Variants in TRPC7 observed in about 807,000 individuals in gnomAD.
TRPC7 encodes the protein transient receptor potential cation channel subfamily C member 7, also known as short transient receptor potential channel 7.
In TRPC7, 42 loss-of-function variants were observed where a neutral mutation model predicts 90.1. The observed-to-expected ratio is 0.47, with a 90% CI of 0.36 to 0.60. The LOEUF (loss-of-function observed/expected upper bound fraction) is 0.60, where lower values mean the gene tolerates loss of function less well. TRPC7 is among the 20% of genes least tolerant of loss of function. The pLI, the probability that TRPC7 is intolerant of heterozygous loss-of-function variation, is 0.00. For synonymous variants in TRPC7, 451 were observed against 436.3 expected (o/e 1.03, Z -0.42); for missense variants, 955 against 1,112.3 (o/e 0.86, Z 2.01).
chr5:136,251,670 C>G lies in TRPC7; in HGVS notation c.1558G>C (p.Glu520Gln). 6.2e-7 allele frequency: 1 copy of G among 1,608,802 alleles called. No homozygotes were observed. The highest frequency in any genetic ancestry group is 8.5e-7 in the Non-Finnish European group (1 of 1,176,006). Reference protein sequence around the residue: ...DTLHNVSLPPEVAYFTYARDK... With the variant: ...DTLHNVSLPPQVAYFTYARDK... ...TCACCGTAGGTGAAGTATGCCACTT[C>G]CGGCGGAAGCGAGACATTGTGCAGC... The change falls in exon 6 of 12, where the codon GAA becomes CAA. Residue 520 changes from glutamate to glutamine, a missense_variant. Physicochemically the swap from Glu to Gln is conservative, Grantham distance 29. Around this residue, in one of 4 missense-constraint regions of TRPC7, gnomAD observed 484 missense variants for 509.6 expected, o/e 0.95. Coordinates refer to ENST00000513104, the MANE Select transcript of TRPC7 (RefSeq NM_020389.3).
chr5:136,348,522 G>A (rs911930859), intron 2 of TRPC7, among the ~76,000 whole-genome samples: 4 of 152,182 alleles, frequency 2.6e-5, no homozygotes, highest in African/African-American at 4.8e-5. Flanking sequence ...TTGTAATGCT[G>A]TGTTTATTGG....
At chr5:136,356,072 T>C (rs1314766244) in intron 2 of TRPC7, among the ~76,000 whole-genome samples, 4 of 152,280 alleles carry the variant, frequency 2.6e-5, no homozygotes, top group South Asian at 2.1e-4. Flanking sequence ...TTAAACCTCC[T>C]CCTCAGCCCA....
chr5:136,250,387 GC>G (rs1756482288), intron 6 of TRPC7, among the ~76,000 whole-genome samples: 1 of 152,196 alleles, frequency 6.6e-6, no homozygotes, highest in Non-Finnish European at 1.5e-5. Flanking sequence ...TGGTCCCGGA[GC>G]CATCTGGCTT....
chr5:136,302,595 A>G (rs1385465242), intron 3 of TRPC7, among the ~76,000 whole-genome samples: 9 of 151,906 alleles, frequency 5.9e-5, no homozygotes, highest in African/African-American at 2.2e-4. Flanking sequence ...CTTCTCCCTT[A>G]GCCTGTGTTC....
chr5:136,338,582 C>A (rs1425813477), intron 2 of TRPC7, among the ~76,000 whole-genome samples: 1 of 152,190 alleles, frequency 6.6e-6, no homozygotes, highest in Non-Finnish European at 1.5e-5. Context: ...TATCCCTATA[C>A]TATGTTTGAG....
chr5:136,364,459 G>C (rs1227611160), intron 1 of TRPC7, among the ~76,000 whole-genome samples: 1 of 152,184 alleles, frequency 6.6e-6, no homozygotes, highest in African/African-American at 2.4e-5. Context: ...TAAATTTGAT[G>C]TGTACTCGGT....
chr5:136,245,290 C>G (rs1756301480), intron 7 of TRPC7, among the ~76,000 whole-genome samples: 1 of 152,220 alleles, frequency 6.6e-6, no homozygotes, highest in Admixed American at 6.5e-5. Flanking sequence ...CACCTATTCT[C>G]TTGACACACA....
At chr5:136,293,594 G>A (rs1005833122) in intron 3 of TRPC7, among the ~76,000 whole-genome samples, 6 of 152,096 alleles carry the variant, frequency 3.9e-5, no homozygotes, top group African/African-American at 1.4e-4. Flanking sequence ...GGATGTGAAG[G>A]ACCTCTTCAA....
intron 7 of TRPC7, among the ~76,000 whole-genome samples, chr5:136,237,350 C>A (rs1037307400): frequency 1.3e-5 from 2 of 152,176 alleles, no homozygotes; most frequent in Admixed American, 6.5e-5. Flanking sequence ...TCACTGTACC[C>A]CATGCAGCCT....
At chr5:136,305,719 C>A (rs1046574491) in intron 3 of TRPC7, among the ~76,000 whole-genome samples, 2 of 152,132 alleles carry the variant, frequency 1.3e-5, no homozygotes, top group African/African-American at 4.8e-5. Context: ...GATAACAGAC[C>A]AGCCTTTATT....
rs1273361776 is a variant in TRPC7 at position 136,328,128 on chromosome 5, A to G, written c.781-12349T>C. Among the ~76,000 whole-genome samples the G allele has an allele frequency of 2.0e-5, 3 of 152,168 alleles. No homozygotes were observed. In the East Asian group the frequency reaches 5.8e-4, roughly 29 times the overall value. On this transcript the variant is annotated intron_variant, in intron 2 of 11. Coordinates refer to ENST00000513104, the MANE Select transcript of TRPC7 (RefSeq NM_020389.3). ...ACCCTTTGGCATTTCATCTCCATTT[A>G]GGAATGCAGATCCAAGGAAGGTGGT...
intron 7 of TRPC7, among the ~76,000 whole-genome samples, chr5:136,243,651 C>T (rs990576790): frequency 6.6e-6 from 1 of 150,906 alleles, no homozygotes; most frequent in Non-Finnish European, 1.5e-5. Context: ...GCACGAGTCT[C>T]ATTTATTCTC....
In TRPC7 at chr5:136,349,842, T is replaced by A. The variant is rs369411365; in HGVS notation, c.780+6766A>T. 3.3e-5 allele frequency among the ~76,000 whole-genome samples: 5 copies of A among 152,192 alleles called. 1 individual carries two copies. In the East Asian group the frequency reaches 7.7e-4, roughly 23 times the overall value. ...AATAGCATTTCACTCCAGAATGGAC[T>A]GCATATATGACAGTGGTCCCATGAG... On this transcript the variant is annotated intron_variant, in intron 2 of 11. Transcript: ENST00000513104.
chr5:136,364,893 T>A lies in TRPC7; in HGVS notation c.2+360A>T, dbSNP rs527536960. ...CCTTCTCTCACCCCTATATTTATAT[T>A]ATGATAAATACAACCACATAAATAC... On this transcript the variant is annotated intron_variant, in intron 1 of 11. Coordinates refer to ENST00000513104, the MANE Select transcript of TRPC7 (RefSeq NM_020389.3). 3.3e-5 allele frequency among the ~76,000 whole-genome samples: 5 copies of A among 152,298 alleles called. No individual in the cohort carries two copies. In the East Asian group the frequency reaches 9.6e-4, roughly 29 times the overall value.
chr5:136,228,131 A>G (rs745406550), intron 8 of TRPC7, among the ~76,000 whole-genome samples: 7 of 152,202 alleles, frequency 4.6e-5, no homozygotes, highest in Non-Finnish European at 8.8e-5. Context: ...TCAGCTATTC[A>G]ACAGCTAGTT....
chr5:136,243,837 T>C (rs947613621), intron 7 of TRPC7, among the ~76,000 whole-genome samples: 9 of 152,156 alleles, frequency 5.9e-5, no homozygotes, highest in African/African-American at 2.2e-4. Flanking sequence ...GCTACACATC[T>C]CATTTCAGGA....
intron 2 of TRPC7, among the ~76,000 whole-genome samples, chr5:136,332,414 T>G (rs1047666951): frequency 1.3e-5 from 2 of 152,036 alleles, no homozygotes; most frequent in Admixed American, 1.3e-4. Flanking sequence ...CTGGAGGGCT[T>G]CAAGGAGGAG....
At chr5:136,284,126 T>C (rs773793199) in intron 3 of TRPC7, among the ~76,000 whole-genome samples, 1 of 152,202 alleles carries the variant, frequency 6.6e-6, no homozygotes, top group Non-Finnish European at 1.5e-5. Flanking sequence ...TGGGAAACAT[T>C]ATTTCTGGTA....
chr5:136,266,617 T>C (rs1757042015), intron 4 of TRPC7, among the ~76,000 whole-genome samples, 181 bp from the exon 5 acceptor site: 1 of 152,198 alleles, frequency 6.6e-6, no homozygotes, highest in Admixed American at 6.5e-5. Context: ...TTGACCAAAC[T>C]TATTTGGTCA....
Sources: gnomAD v4.1 joint callset for allele counts (sites outside exome capture counted in the v4.1 genomes callset) on GRCh38, gnomAD v4.1.1 for gene constraint, gnomAD v4.1.1 regional missense constraint, MANE v1.5 for transcripts, NCBI Gene and HGNC (gene_info 2026-07-23, HGNC 2026-07-21) for gene names.